Variants in ZNF385D observed in about 807,000 individuals in gnomAD.
ZNF385D encodes zinc finger protein 659.
In ZNF385D, 15 loss-of-function variants were observed where a neutral mutation model predicts 35.8. That is an observed-to-expected ratio of 0.42 (90% CI 0.28 to 0.64). ZNF385D has a LOEUF of 0.64. Among genes scored for constraint, ZNF385D ranks in the 30% least tolerant of loss-of-function variants. The pLI is 0.23. For synonymous variants in ZNF385D, 212 were observed against 186.8 expected (o/e 1.13, Z -1.10); for missense variants, 474 against 494.6 (o/e 0.96, Z 0.39).
At chr3:22,262,279 A>C (rs1267346217) in intron 2 of ZNF385D, among the ~76,000 whole-genome samples, 1 of 151,952 alleles carries the variant, frequency 6.6e-6, no homozygotes, top group Non-Finnish European at 1.5e-5. Context: ...CTTGGGGTCT[A>C]AAGTCATGAG....
intron 3 of ZNF385D, among the ~76,000 whole-genome samples, chr3:22,067,809 GTCAAGAGA>G (rs1413216188): frequency 6.6e-6 from 1 of 152,168 alleles, no homozygotes; most frequent in Non-Finnish European, 1.5e-5. Context: ...GGATCATGAG[GTCAAGAGA>G]TCGAGACCAT....
At chr3:22,277,422 T>C (rs1161000859) in intron 2 of ZNF385D, among the ~76,000 whole-genome samples, 1 of 152,066 alleles carries the variant, frequency 6.6e-6, no homozygotes, top group Non-Finnish European at 1.5e-5. Flanking sequence ...AACAATTCAT[T>C]CAGATGGGCT....
At chr3:21,724,477 CAAA>C (rs200803155) in intron 1 of ZNF385D, among the ~76,000 whole-genome samples, 1 of 52,016 alleles carries the variant, frequency 1.9e-5, no homozygotes, top group Non-Finnish European at 3.3e-5. Flanking sequence ...AATGGAAAGC[CAAA>C]AAAAAAAAAA....
At chr3:21,650,467 A>G (rs780921611) in intron 2 of ZNF385D, among the ~76,000 whole-genome samples, 3 of 152,180 alleles carry the variant, frequency 2.0e-5, no homozygotes, top group Non-Finnish European at 4.4e-5. Flanking sequence ...TGATACATAG[A>G]TGAGAAAGCA....
intron 3 of ZNF385D, among the ~76,000 whole-genome samples, chr3:22,078,957 C>A (rs2125578623): frequency 6.6e-6 from 1 of 151,870 alleles, no homozygotes; most frequent in East Asian, 1.9e-4. Flanking sequence ...TTCTTTATTT[C>A]AAGTGTGTTA....
chr3:22,101,997 G>A lies in ZNF385D; in HGVS notation c.325+66820C>T, dbSNP rs184250015. 2.3e-3 allele frequency among the ~76,000 whole-genome samples: 345 copies of A among 151,126 alleles called. 1 individual carries two copies. The highest frequency in any genetic ancestry group is 8.2e-3 in the African/African-American group (336 of 41,176). On this transcript the variant is annotated intron_variant, in intron 3 of 5. Transcript: ENST00000494108. ...TAGTATCCTACTCCCTTTCCATTGC[G>A]CCACATCAGGTTTTTTTCATGACAG...
intron 3 of ZNF385D, among the ~76,000 whole-genome samples, chr3:21,997,046 T>C: frequency 8.2e-6 from 1 of 121,570 alleles, no homozygotes; most frequent in East Asian, 2.6e-4. Flanking sequence ...AAAGGAACAG[T>C]TTTAAAAAAA....
intron 3 of ZNF385D, among the ~76,000 whole-genome samples, chr3:21,983,123 G>C (rs553443133): frequency 1.3e-5 from 2 of 150,376 alleles, no homozygotes; most frequent in East Asian, 3.9e-4. Context: ...TTGGGGAGGA[G>C]TCCCTCCTCC....
intron 2 of ZNF385D, among the ~76,000 whole-genome samples, chr3:22,174,980 A>C (rs2125768772): frequency 6.6e-6 from 1 of 152,178 alleles, no homozygotes; most frequent in African/African-American, 2.4e-5. Context: ...TCTGAAAAGA[A>C]GAATCCACCA....
At chr3:21,787,417 C>G (rs2071735914) in intron 3 of ZNF385D, among the ~76,000 whole-genome samples, 1 of 152,116 alleles carries the variant, frequency 6.6e-6, no homozygotes, top group Non-Finnish European at 1.5e-5. Flanking sequence ...TAGTTAAAGT[C>G]TAAAAACTAA....
chr3:21,542,512 T>G (rs1170613092), intron 3 of ZNF385D, among the ~76,000 whole-genome samples: 1 of 152,090 alleles, frequency 6.6e-6, no homozygotes, highest in East Asian at 1.9e-4. Flanking sequence ...CATGCCCGGC[T>G]AATTTTTTAA....
intron 2 of ZNF385D, among the ~76,000 whole-genome samples, chr3:21,597,112 ATCT>A (rs2064148350): frequency 6.6e-6 from 1 of 152,192 alleles, no homozygotes; most frequent in African/African-American, 2.4e-5. Flanking sequence ...AAGGCATTTT[ATCT>A]AAATAGGGTT....
At chr3:21,956,553 T>A (rs1181974407) in intron 3 of ZNF385D, among the ~76,000 whole-genome samples, 3 of 152,022 alleles carry the variant, frequency 2.0e-5, no homozygotes, top group Non-Finnish European at 4.4e-5. Context: ...AGCTTTTCAA[T>A]AACTGGAAGT....
chr3:22,110,580 T>C (rs916948636), intron 3 of ZNF385D, among the ~76,000 whole-genome samples: 4 of 151,634 alleles, frequency 2.6e-5, no homozygotes, highest in South Asian at 2.1e-4. Flanking sequence ...TAGATGGGAA[T>C]TGAACAATGA....
intron 3 of ZNF385D, among the ~76,000 whole-genome samples, chr3:21,976,501 G>A (rs972640042): frequency 1.3e-5 from 2 of 152,086 alleles, no homozygotes; most frequent in Non-Finnish European, 2.9e-5. Flanking sequence ...CTGGAAGATA[G>A]ATCAAAAGAA....
At chr3:22,043,114 C>T (rs1126300) in intron 3 of ZNF385D, among the ~76,000 whole-genome samples, 3,232 of 152,244 alleles carry the variant, frequency 0.021, 52 homozygotes, top group Non-Finnish European at 0.035. Flanking sequence ...AAGCTGCAGT[C>T]ATTTGGTTTA....
intron 3 of ZNF385D, among the ~76,000 whole-genome samples, chr3:21,853,130 AT>A (rs1696491051): frequency 6.6e-6 from 1 of 151,356 alleles, no homozygotes; most frequent in Non-Finnish European, 1.5e-5. Flanking sequence ...TAGCAAAAAG[AT>A]ACATTTAGAG....
intron 3 of ZNF385D, among the ~76,000 whole-genome samples, chr3:21,860,008 G>C (rs1696961444): frequency 1.3e-5 from 2 of 151,912 alleles, no homozygotes; most frequent in East Asian, 3.9e-4. Context: ...AAAAAGAAAA[G>C]AAAAGGAAAA....
chr3:21,974,994 A>G lies in ZNF385D; in HGVS notation c.325+193823T>C, dbSNP rs377242965. ...GAAATGAAATTAGTACAACCACTAT[A>G]AAGAACAGTTTGGCAGTTCCTCAAA... On this transcript the variant is annotated intron_variant, in intron 3 of 5. Coordinates refer to the ZNF385D transcript ENST00000494108. Among the ~76,000 whole-genome samples, 36 of 152,294 alleles carry G rather than the reference A, an allele frequency of 2.4e-4. No homozygotes were observed. The South Asian group carries it at 7.4e-3, about 32-fold the overall frequency.
Sources: allele counts gnomAD v4.1 joint callset (sites outside exome capture counted in the v4.1 genomes callset), GRCh38; gene constraint gnomAD v4.1.1; transcripts MANE v1.5; gene names NCBI Gene and HGNC (gene_info 2026-07-23, HGNC 2026-07-21).